The following TENT4B variants were observed in gnomAD, a reference collection of about 807,000 sequenced individuals.
The protein encoded by TENT4B is terminal nucleotidyltransferase 4B, also known as PAP associated domain containing 5.
In TENT4B, 10 loss-of-function variants were observed where a neutral mutation model predicts 75.0. The ratio of observed to expected loss-of-function variants is 0.13; its 90% confidence interval spans 0.08 to 0.23. TENT4B has a LOEUF of 0.23. TENT4B is among the 10% of genes least tolerant of loss of function. The pLI is 1.00. For synonymous variants in TENT4B, 350 were observed against 357.7 expected, an observed-to-expected ratio of 0.98 and a Z score of 0.24; for missense variants, 579 against 893.8, an observed-to-expected ratio of 0.65 and a Z score of 4.49.
chr16:50,191,446 A>T (rs1055903196), intron 1 of TENT4B, among the ~76,000 whole-genome samples: 4 of 151,664 alleles, frequency 2.6e-5, no homozygotes, highest in Non-Finnish European at 5.9e-5. Context: ...TTTATTTTTA[A>T]TTTTTTTTGT....
rs748837950 is a variant in TENT4B at position 50,222,445 on chromosome 16, T to C, written c.1167+11T>C. The stretch of plus-strand genomic sequence containing the variant: ...GTCAGTTTCCTTCAGGTAAGTCATA[T>C]GGGTATAGCATGCTAGTGCACACTA... On this transcript the variant is annotated intron_variant, in intron 6 of 11. Coordinates refer to ENST00000561678, the MANE Select transcript of TENT4B (RefSeq NM_001365324.3). The C allele has an allele frequency of 1.9e-6, 3 of 1,613,032 alleles. No homozygotes were observed. Among genetic ancestry groups the C allele is most frequent in the East Asian group, 4.5e-5 (2 of 44,770 alleles).
chr16:50,195,306 T>A (rs888789285), intron 1 of TENT4B, among the ~76,000 whole-genome samples: 1 of 152,124 alleles, frequency 6.6e-6, no homozygotes, highest in African/African-American at 2.4e-5. Context: ...GCTAAGGAAA[T>A]GTGGAAGGCA....
At position 50,224,913 on chromosome 16, in the gene TENT4B, G is replaced by A; in HGVS notation, c.1531G>A (p.Val511Ile). 6.2e-7 allele frequency: 1 copy of A among 1,613,778 alleles called. No individual in the cohort carries two copies. The highest frequency in any genetic ancestry group is 1.1e-5 in the South Asian group (1 of 91,080). ...TESILGRIIR[V>I]TDEVATYRDW... Reference sequence around the variant, plus strand: ...CAGCATACTAGGTAGAATAATTAGAGTAACAGATGAAGTTGCCACATATAG... The same window carrying A: ...CAGCATACTAGGTAGAATAATTAGAATAACAGATGAAGTTGCCACATATAG... The change falls in exon 9 of 12, where the codon GTA becomes ATA. Residue 511 changes from valine to isoleucine, a missense_variant. Around this residue, in one of 7 missense-constraint regions of TENT4B, gnomAD observed 71 missense variants for 210.6 expected, o/e 0.34. Transcript: ENST00000561678.
intron 1 of TENT4B, among the ~76,000 whole-genome samples, chr16:50,161,321 T>TG (rs2037999056): frequency 6.6e-6 from 1 of 152,180 alleles, no homozygotes; most frequent in African/African-American, 2.4e-5. Flanking sequence ...TAAAGATTTT[T>TG]GGGAAAAAAG....
chr16:50,190,058 A>G (rs1478792407), intron 1 of TENT4B, among the ~76,000 whole-genome samples: 1 of 146,966 alleles, frequency 6.8e-6, no homozygotes, highest in Non-Finnish European at 1.5e-5. Flanking sequence ...CCTAGGCAAC[A>G]GAGTGAGACT....
rs183276219 is a variant in TENT4B, at chr16:50,201,459, C to G, written c.639-9864C>G. 1.8e-4 allele frequency among the ~76,000 whole-genome samples: 28 copies of G among 151,996 alleles called. No individual in the cohort carries two copies. In the East Asian group the frequency reaches 3.5e-3, roughly 19 times the overall value. On this transcript the variant is annotated intron_variant, in intron 1 of 11. Coordinates refer to ENST00000561678, the MANE Select transcript of TENT4B (RefSeq NM_001365324.3). ...GGCTGAGGCATGAGAATCGATTGAA[C>G]CTGGGAGGCAGAGGTTGCAGTGAGC...
chr16:50,211,809 G>C (rs2031293826), intron 2 of TENT4B, among the ~76,000 whole-genome samples: 1 of 152,090 alleles, frequency 6.6e-6, no homozygotes, highest in African/African-American at 2.4e-5. Context: ...CTTAGTTCCA[G>C]CCTGCCAGGG....
intron 1 of TENT4B, among the ~76,000 whole-genome samples, chr16:50,162,116 G>T (rs2038013747): frequency 6.6e-6 from 1 of 152,108 alleles, no homozygotes; most frequent in Admixed American, 6.6e-5. Flanking sequence ...CCAAATTGCT[G>T]CATGTATCAG....
At position 50,235,123 on chromosome 16, in the gene TENT4B, TATGA is replaced by T; in HGVS notation, c.*5802_*5805del. Reference sequence around the variant, plus strand: ...TCACTGGGCAACCAGTGATGAAAACTATGAATGAATTGCACACCTGGAAGATTTT... The same window carrying T: ...TCACTGGGCAACCAGTGATGAAAACTATGAATTGCACACCTGGAAGATTTT... On this transcript the variant is annotated 3_prime_UTR_variant, in exon 12 of 12. Coordinates refer to ENST00000561678, the MANE Select transcript of TENT4B (RefSeq NM_001365324.3). The T allele has an allele frequency of 2.6e-6, 2 of 767,334 alleles. No individual in the cohort carries two copies. Among genetic ancestry groups the T allele is most frequent in the Non-Finnish European group, 3.2e-6 (2 of 630,500 alleles). 47.5% of individuals were successfully genotyped at this position (767,334 alleles called of 1,614,324 possible). A position where few individuals can be genotyped will look rare whatever the true frequency, so the allele number is the denominator to read the frequency against.
At position 50,217,648 on chromosome 16, in the gene TENT4B, C is replaced by A; in HGVS notation, c.1023C>A (p.Ile341=). ...VQNGVRAADL[I]KDFTKKYPVL... ...ATGGCGTGAGAGCAGCTGACCTCAT[C>A]AAAGATTTTACCAAGGTCAGAGAAT... Residue 341 remains isoleucine (I), a synonymous_variant, in exon 5 of 12, where the codon ATC becomes ATA. Coordinates refer to ENST00000561678, the MANE Select transcript of TENT4B (RefSeq NM_001365324.3). 1 of 1,521,768 alleles carries A rather than the reference C, an allele frequency of 6.6e-7. No individual in the cohort carries two copies. Among genetic ancestry groups the A allele is most frequent in the Non-Finnish European group, 8.8e-7 (1 of 1,136,334 alleles). The allele number at this position is 1,521,768 out of a possible 1,614,324, so 94.3% of individuals were successfully genotyped here. A position where few individuals can be genotyped will look rare whatever the true frequency, so the allele number is the denominator to read the frequency against.
intron 4 of TENT4B, among the ~76,000 whole-genome samples, chr16:50,216,579 T>C (rs2031567044): frequency 6.6e-6 from 1 of 152,254 alleles, no homozygotes. Flanking sequence ...CCCAAAATGC[T>C]GGGATTACAG....
intron 2 of TENT4B, among the ~76,000 whole-genome samples, chr16:50,211,834 T>C (rs576862576): frequency 2.0e-5 from 3 of 152,320 alleles, no homozygotes; most frequent in African/African-American, 7.2e-5. Flanking sequence ...CATTATATAA[T>C]TGTTTACAGC....
chr16:50,156,140 C>G lies in TENT4B; in HGVS notation c.638+1881C>G, dbSNP rs753127288. Among the ~76,000 whole-genome samples, 8 of 152,148 alleles carry G rather than the reference C, an allele frequency of 5.3e-5. No homozygotes were observed. The South Asian group carries it at 1.7e-3, about 32-fold the overall frequency. On this transcript the variant is annotated intron_variant, in intron 1 of 11. Coordinates refer to ENST00000561678, the MANE Select transcript of TENT4B (RefSeq NM_001365324.3). ...TTACTGTTTAAAAACTGGTTGTAAA[C>G]CTCTTTAAAAACTGCTTATCACTTC...
intron 1 of TENT4B, among the ~76,000 whole-genome samples, chr16:50,170,259 T>G (rs1567480570): frequency 6.6e-6 from 1 of 151,878 alleles, no homozygotes; most frequent in Non-Finnish European, 1.5e-5. Context: ...GACCTCACGA[T>G]CTGCCTGCCT....
rs2038087533 is a variant in TENT4B at position 50,165,712 on chromosome 16, T to TA, written c.638+11454dup. 3.3e-5 allele frequency among the ~76,000 whole-genome samples: 5 copies of TA among 152,342 alleles called. No individual in the cohort carries two copies. The South Asian group carries it at 1.0e-3, about 32-fold the overall frequency. ...CCTTTTGTGCTTGGCTTCTCAAACT[T>TA]ATCTGTTTCCAAAGGTTATCTGTGT... On this transcript the variant is annotated intron_variant, in intron 1 of 11. Coordinates refer to ENST00000561678, the MANE Select transcript of TENT4B (RefSeq NM_001365324.3).
rs542412608 is a variant in TENT4B at position 50,233,489 on chromosome 16, C to T, written c.*4161C>T. On this transcript the variant is annotated 3_prime_UTR_variant, in exon 12 of 12. Coordinates refer to ENST00000561678, the MANE Select transcript of TENT4B (RefSeq NM_001365324.3). ...TTCTAAGCCATCTTGACTTCACACC[C>T]TTAGCGACTTTTCTTTTTTTTTTGG... 205 of 984,926 alleles carry T rather than the reference C, an allele frequency of 2.1e-4. No individual in the cohort carries two copies. Among genetic ancestry groups the T allele is most frequent in the Middle Eastern group, 5.2e-4 (1 of 1,936 alleles). 61.0% of individuals were successfully genotyped at this position (984,926 alleles called of 1,614,324 possible).
chr16:50,231,048 TAAG>T lies in TENT4B; in HGVS notation c.*1722_*1724del. The T allele has an allele frequency of 5.2e-6, 5 of 967,796 alleles. No homozygotes were observed. Among genetic ancestry groups the T allele is most frequent in the Non-Finnish European group, 6.1e-6 (5 of 813,062 alleles). The allele number at this position is 967,796 out of a possible 1,614,324, so 60.0% of individuals were successfully genotyped here. A position where few individuals can be genotyped will look rare whatever the true frequency, so the allele number is the denominator to read the frequency against. ...TTTTATAAAGAAAATAATGCTAAAG[TAAG>T]ACCAAAACTGATGTCATCACTGAAA... On this transcript the variant is annotated 3_prime_UTR_variant, in exon 12 of 12. Transcript: ENST00000561678.
chr16:50,188,018 C>T (rs921654006), intron 1 of TENT4B, among the ~76,000 whole-genome samples: 1 of 152,184 alleles, frequency 6.6e-6, no homozygotes, highest in African/African-American at 2.4e-5. Context: ...GTTCCTCTCA[C>T]CTTGGCCTGC....
At chr16:50,214,399 T>A in intron 3 of TENT4B, 132 bp downstream of exon 3, 1 of 670,686 alleles carries the variant, frequency 1.5e-6, no homozygotes, top group Non-Finnish European at 2.5e-6. Context: ...CTCATGCCTG[T>A]AATCCTAGCA....
Sources: gnomAD v4.1 joint callset for allele counts (sites outside exome capture counted in the v4.1 genomes callset) on GRCh38, gnomAD v4.1.1 for gene constraint, gnomAD v4.1.1 regional missense constraint, MANE v1.5 for transcripts, NCBI Gene and HGNC (gene_info 2026-07-23, HGNC 2026-07-21) for gene names.